Variants in PBX4 observed in about 807,000 individuals in gnomAD.
The protein encoded by PBX4 is pre-B-cell leukemia transcription factor 4.
PBX4 carries 26 observed loss-of-function variants against 35.1 expected under a neutral mutation model. The observed-to-expected ratio is 0.74, with a 90% CI of 0.54 to 1.03. The LOEUF (loss-of-function observed/expected upper bound fraction) is 1.03, where lower values mean the gene tolerates loss of function less well. PBX4 is among the 50% of genes least tolerant of loss of function. PBX4 has a pLI of 0.00. For missense variants in PBX4, 448 were observed against 504.3 expected (o/e 0.89, Z 1.07); for synonymous variants, 199 against 204.2 (o/e 0.97, Z 0.22).
chr19:19,587,184 TG>T (rs2061495077), intron 2 of PBX4, among the ~76,000 whole-genome samples: 1 of 151,900 alleles, frequency 6.6e-6, no homozygotes, highest in Admixed American at 6.6e-5. Context: ...TTTGTTTTTT[TG>T]TTTTGTTTTT....
intron 2 of PBX4, among the ~76,000 whole-genome samples, chr19:19,584,868 C>A (rs2144741600): frequency 6.6e-6 from 1 of 151,980 alleles, no homozygotes; most frequent in Non-Finnish European, 1.5e-5. Flanking sequence ...TCGTGATCAC[C>A]CCCTTGGCCT....
chr19:19,576,003 T>G (rs945951470), intron 2 of PBX4, among the ~76,000 whole-genome samples: 13 of 152,314 alleles, frequency 8.5e-5, no homozygotes, highest in Middle Eastern at 3.4e-3. Flanking sequence ...TGGTCAATGT[T>G]GGCACATGCA....
intron 1 of PBX4, among the ~76,000 whole-genome samples, chr19:19,614,934 T>C (rs1476953461): frequency 6.7e-6 from 1 of 149,974 alleles, no homozygotes; most frequent in African/African-American, 2.5e-5. Context: ...CCGAGGTGGG[T>C]GGATCATTTG....
At chr19:19,582,466 G>A (rs960281190) in intron 2 of PBX4, among the ~76,000 whole-genome samples, 2 of 152,144 alleles carry the variant, frequency 1.3e-5, no homozygotes, top group Non-Finnish European at 2.9e-5. Context: ...GTGGAACAAT[G>A]CAGACACCAA....
intron 1 of PBX4, among the ~76,000 whole-genome samples, chr19:19,601,405 T>C (rs1357196322): frequency 5.9e-5 from 9 of 152,164 alleles, no homozygotes. Flanking sequence ...TCTAAGGGCC[T>C]TGAAAGTCAT....
chr19:19,569,053 G>C (rs1282738871), intron 5 of PBX4, among the ~76,000 whole-genome samples: 1 of 152,082 alleles, frequency 6.6e-6, no homozygotes, highest in Non-Finnish European at 1.5e-5. Flanking sequence ...CTTGGCTCCT[G>C]TTCCACACTT....
At chr19:19,605,350 AG>A in intron 1 of PBX4, among the ~76,000 whole-genome samples, 1 of 150,910 alleles carries the variant, frequency 6.6e-6, no homozygotes, top group South Asian at 2.1e-4. Flanking sequence ...TGGGAGGTGG[AG>A]GCTACAGTGA....
chr19:19,600,330 C>T (rs73004959), intron 1 of PBX4, among the ~76,000 whole-genome samples: 10,328 of 152,030 alleles, frequency 0.068, 410 homozygotes, highest in South Asian at 0.16. Context: ...AATTTAAGAT[C>T]GGCCTGGGCA....
chr19:19,570,408 C>A (rs571901549), intron 3 of PBX4, 109 bp from the exon 4 acceptor site: 2 of 1,436,878 alleles, frequency 1.4e-6, no homozygotes, highest in Non-Finnish European at 1.9e-6. Context: ...GTTCACACAC[C>A]GGCGGGTGAC....
chr19:19,605,970 C>A (rs1481627333), intron 1 of PBX4, among the ~76,000 whole-genome samples: 1 of 147,512 alleles, frequency 6.8e-6, no homozygotes, highest in Admixed American at 7.0e-5. Flanking sequence ...GAAAAGAAAA[C>A]AAGTTCCCAA....
intron 2 of PBX4, among the ~76,000 whole-genome samples, chr19:19,594,489 G>T (rs2061549390): frequency 6.6e-6 from 1 of 151,968 alleles, no homozygotes; most frequent in African/African-American, 2.4e-5. Context: ...GAAATGGACA[G>T]ACATCTCAGC....
rs182789533 is a variant in PBX4 at position 19,568,781 on chromosome 19, G to A, written c.768+668C>T. 8.2e-3 allele frequency among the ~76,000 whole-genome samples: 1,198 copies of A among 146,104 alleles called. 48 individuals carry two copies. The highest frequency in any genetic ancestry group is 0.062 in the Admixed American group (907 of 14,716). ...GTATCCCTCAGGGAGCTCATACTCT[G>A]TCTGTATCCCTCAGGGAGTTCACAC... On this transcript the variant is annotated intron_variant, in intron 5 of 7. Coordinates refer to ENST00000251203, the MANE Select transcript of PBX4 (RefSeq NM_025245.3).
chr19:19,571,070 A>G (rs947068486), intron 2 of PBX4, among the ~76,000 whole-genome samples: 1 of 152,226 alleles, frequency 6.6e-6, no homozygotes, highest in African/African-American at 2.4e-5. Context: ...CACAGGTCGC[A>G]GTTTGGCATA....
chr19:19,603,862 C>A (rs2061612605), intron 1 of PBX4, among the ~76,000 whole-genome samples: 1 of 146,508 alleles, frequency 6.8e-6, no homozygotes, highest in Non-Finnish European at 1.5e-5. Flanking sequence ...GAGGATGAGG[C>A]AGGATAATTT....
chr19:19,593,154 C>T (rs2061539290), intron 2 of PBX4, among the ~76,000 whole-genome samples: 1 of 152,184 alleles, frequency 6.6e-6, no homozygotes, highest in Non-Finnish European at 1.5e-5. Context: ...TGGTCTCATA[C>T]TCTTGGGCTC....
intron 1 of PBX4, among the ~76,000 whole-genome samples, chr19:19,602,341 T>G (rs775299023): frequency 4.6e-5 from 7 of 152,134 alleles, no homozygotes; most frequent in Non-Finnish European, 8.8e-5. Flanking sequence ...GGAGAGAATG[T>G]GGAGGTGAGG....
Position 19,618,524 on chromosome 19 carries a change from C to A in PBX4, c.106G>T (p.Glu36Ter). The change falls in exon 1 of 8, where the codon GAG becomes TAG. Residue 36 changes from glutamate to a stop codon, truncating the protein, a stop_gained. Coordinates refer to ENST00000251203, the MANE Select transcript of PBX4 (RefSeq NM_025245.3). LOFTEE classifies it high-confidence loss of function. ...CGCGGGCAGCACCTGGCCTGTGCCT[C>A]GTCCAGGCTCTGGTCGGTGATGGCC... Reference protein sequence around the residue: ...IMAITDQSLDEAQARKHALNC... With the variant: ...IMAITDQSLD 1 of 1,479,502 alleles carries A rather than the reference C, an allele frequency of 6.8e-7. No individual in the cohort carries two copies. The highest frequency in any genetic ancestry group is 9.0e-7 in the Non-Finnish European group (1 of 1,110,490). The allele number at this position is 1,479,502 out of a possible 1,614,324, so 91.6% of individuals were successfully genotyped here.
At chr19:19,593,477 C>T (rs1034052780) in intron 2 of PBX4, among the ~76,000 whole-genome samples, 1 of 152,192 alleles carries the variant, frequency 6.6e-6, no homozygotes, top group Non-Finnish European at 1.5e-5. Context: ...ATCCTGTTTA[C>T]TTTCCTGCCA....
chr19:19,575,215 C>T (rs558050922), intron 2 of PBX4, among the ~76,000 whole-genome samples: 7 of 140,782 alleles, frequency 5.0e-5, no homozygotes, highest in Admixed American at 3.7e-4. Context: ...CCAGCCTGGG[C>T]AACAGAGCGA....
Sources: gnomAD v4.1 joint callset for allele counts (sites outside exome capture counted in the v4.1 genomes callset) on GRCh38, gnomAD v4.1.1 for gene constraint, MANE v1.5 for transcripts, NCBI Gene and HGNC (gene_info 2026-07-23, HGNC 2026-07-21) for gene names.